Variants in KANSL2 observed in about 807,000 individuals in gnomAD.
The protein encoded by KANSL2 is KAT8 regulatory NSL complex subunit 2.
KANSL2 carries 34 observed loss-of-function variants against 55.6 expected under a neutral mutation model. The ratio of observed to expected loss-of-function variants is 0.61; its 90% CI spans 0.46 to 0.81. The LOEUF is 0.81. Among genes scored for constraint, KANSL2 ranks in the 40% least tolerant of loss-of-function variants. The probability of loss-of-function intolerance (pLI) is 0.00; values close to 1 mark genes in which losing one functional copy is unlikely to be tolerated. For missense variants in KANSL2, 502 were observed against 609.9 expected (o/e 0.82, Z 1.86); for synonymous variants, 209 against 214.3 (o/e 0.98, Z 0.22).
intron 5 of KANSL2, among the ~76,000 whole-genome samples, chr12:48,670,572 C>T (rs1366204962): frequency 6.6e-6 from 1 of 152,008 alleles, no homozygotes. Context: ...ACTAGAAAAG[C>T]TTATAGGGAT....
chr12:48,662,070 A>C (rs1592099358), intron 7 of KANSL2, among the ~76,000 whole-genome samples: 1 of 152,298 alleles, frequency 6.6e-6, no homozygotes, highest in East Asian at 1.9e-4. Flanking sequence ...TAAGAAGCCC[A>C]CTCTTAATAT....
chr12:48,677,494 G>A (rs983355086), intron 4 of KANSL2, among the ~76,000 whole-genome samples: 14 of 152,070 alleles, frequency 9.2e-5, no homozygotes, highest in Non-Finnish European at 1.2e-4. Flanking sequence ...GAAAAAAAAG[G>A]AATGAAGCTG....
intron 8 of KANSL2, among the ~76,000 whole-genome samples, chr12:48,655,564 G>A (rs1404907095): frequency 7.6e-5 from 8 of 105,788 alleles, no homozygotes; most frequent in Non-Finnish European, 1.2e-4. Flanking sequence ...GCCAGACCCT[G>A]TCTCAAAAAA....
intron 8 of KANSL2, among the ~76,000 whole-genome samples, chr12:48,657,614 G>A (rs1375200735): frequency 6.6e-6 from 1 of 152,040 alleles, no homozygotes; most frequent in African/African-American, 2.4e-5. Context: ...TTGTGTGTGT[G>A]TGTGTGCGTG....
Position 48,679,046 on chromosome 12 carries a change from C to T in KANSL2, c.535G>A (p.Asp179Asn). The change falls in exon 4 of 10, where the codon GAT becomes AAT. Residue 179 changes from aspartate (D) to asparagine (N), a missense_variant. Coordinates refer to ENST00000420613, the MANE Select transcript of KANSL2 (RefSeq NM_017822.4). ...EADSIDSDQEDPLKHAGVYTA... is the reference protein window; with the variant it reads ...EADSIDSDQENPLKHAGVYTA... ...GGAGTTACAACTTACTTTAGGGGAT[C>T]TTCTTGATCACTGTCTATGCTATCA... The T allele has an allele frequency of 1.9e-6, 3 of 1,612,118 alleles. No individual in the cohort carries two copies. Among genetic ancestry groups the T allele is most frequent in the Non-Finnish European group, 2.5e-6 (3 of 1,178,252 alleles).
At chr12:48,660,965 A>G (rs1186026736) in intron 7 of KANSL2, among the ~76,000 whole-genome samples, 1 of 152,180 alleles carries the variant, frequency 6.6e-6, no homozygotes, top group African/African-American at 2.4e-5. Context: ...TGTAGTGGCA[A>G]ATGCAAATAG....
At chr12:48,672,679 G>C (rs963432506) in intron 4 of KANSL2, among the ~76,000 whole-genome samples, 2 of 151,736 alleles carry the variant, frequency 1.3e-5, no homozygotes, top group Non-Finnish European at 2.9e-5. Flanking sequence ...TCCCGCCTCA[G>C]CCTCACAAAG....
chr12:48,667,434 A>G (rs1161539054), intron 7 of KANSL2: 1 of 546,340 alleles, frequency 1.8e-6, no homozygotes. Context: ...AATAAATATT[A>G]GCCCACATCT....
At chr12:48,675,161 C>T (rs1012248512) in intron 4 of KANSL2, among the ~76,000 whole-genome samples, 2 of 151,686 alleles carry the variant, frequency 1.3e-5, no homozygotes, top group African/African-American at 4.8e-5. Context: ...TTTGGGAGAC[C>T]GAGGTGGGCA....
intron 4 of KANSL2, among the ~76,000 whole-genome samples, chr12:48,673,567 GAAA>G (rs111737433): frequency 1.1e-5 from 1 of 88,402 alleles, no homozygotes. Flanking sequence ...CTCAAAAAAA[GAAA>G]AAAAAAAAAA....
Position 48,671,822 on chromosome 12 carries a change from C to T in KANSL2, c.686G>A (p.Arg229His), listed in dbSNP as rs1208632624. Residue 229 changes from arginine to histidine, a missense_variant, in exon 5 of 10, where the codon CGC becomes CAC. Physicochemically the swap from Arg to His is conservative, Grantham distance 29. Coordinates refer to ENST00000420613, the MANE Select transcript of KANSL2 (RefSeq NM_017822.4). ...GCCTAGAGCTTCATGTTCCACTTTG[C>T]GATTATGTAAGTATCGGCGCTTCTT... ...KEKKRRYLHN[R>H]KVEHEALGSS... 3 of 1,611,588 alleles carry T rather than the reference C, an allele frequency of 1.9e-6. No individual in the cohort carries two copies. Among genetic ancestry groups the T allele is most frequent in the Non-Finnish European group, 2.5e-6 (3 of 1,178,620 alleles).
chr12:48,659,023 G>A (rs976941694), intron 8 of KANSL2, among the ~76,000 whole-genome samples: 4 of 152,176 alleles, frequency 2.6e-5, no homozygotes, highest in Admixed American at 1.3e-4. Context: ...GCCAGGAATG[G>A]TGAATCATGC....
In KANSL2 at chr12:48,660,447, A is replaced by C. The variant is rs771263611; in HGVS notation, c.1146T>G (p.Asp382Glu). The change falls in exon 8 of 10, where the codon GAT (aspartate) becomes GAG (glutamate). Residue 382 changes from aspartate to glutamate, a missense_variant. Asp to Glu is a conservative substitution (Grantham distance 45). Transcript: ENST00000420613. ...ACAGATCCATGGGGCCGGCTTCCAG[A>C]TCGTCTGGCACAGACAGTACCTGCT... Reference protein sequence around the residue: ...KPEQVLSVPDDLEAGPMDLYL... With the variant: ...KPEQVLSVPDELEAGPMDLYL... The C allele has an allele frequency of 9.9e-6, 16 of 1,613,832 alleles. 1 individual carries two copies. The highest frequency in any genetic ancestry group is 8.5e-7 in the Non-Finnish European group (1 of 1,179,890).
intron 8 of KANSL2, among the ~76,000 whole-genome samples, chr12:48,658,146 G>C (rs1430039268): frequency 1.3e-5 from 2 of 152,060 alleles, no homozygotes; most frequent in East Asian, 3.9e-4. Flanking sequence ...CCGGAGAATC[G>C]CTTGAACCCA....
In KANSL2 at chr12:48,671,933, ACTT is replaced by A. The variant is rs1308225589; in HGVS notation, c.572_574del (p.Glu191del). On this transcript the variant is annotated inframe_deletion, in exon 5 of 10. Transcript: ENST00000420613. ...TAGCTTTTCACGCATAATCAGGGCC[ACTT>A]CTTCTGCTGTGTAGACACCAGCATG... 2 of 1,608,414 alleles carry A rather than the reference ACTT, an allele frequency of 1.2e-6. No individual in the cohort carries two copies. Among genetic ancestry groups the A allele is most frequent in the South Asian group, 1.1e-5 (1 of 90,592 alleles).
chr12:48,672,662 G>T (rs1448018202), intron 4 of KANSL2, among the ~76,000 whole-genome samples: 1 of 151,732 alleles, frequency 6.6e-6, no homozygotes, highest in African/African-American at 2.4e-5. Flanking sequence ...CTGGGTTTAA[G>T]CGATGCTCCC....
At chr12:48,678,922 GCTGAC>G in intron 4 of KANSL2, 109 bp downstream of exon 4, 1 of 688,482 alleles carries the variant, frequency 1.5e-6, no homozygotes. Context: ...ACCTCTTACT[GCTGAC>G]AAATAGCTGT....
At chr12:48,654,266 C>A (rs919803461) in intron 9 of KANSL2, 91 bp from the exon 10 acceptor site, 8 of 1,206,752 alleles carry the variant, frequency 6.6e-6, no homozygotes, top group Non-Finnish European at 9.6e-6. Flanking sequence ...CTTAAACTAG[C>A]AATAAGAACA....
chr12:48,664,627 G>C (rs1233273947), intron 7 of KANSL2, among the ~76,000 whole-genome samples: 2 of 136,090 alleles, frequency 1.5e-5, no homozygotes, highest in African/African-American at 5.5e-5. Context: ...TGTTGCCCAG[G>C]CTGGAGTGCA....
Sources: allele counts gnomAD v4.1 joint callset (sites outside exome capture counted in the v4.1 genomes callset), GRCh38; gene constraint gnomAD v4.1.1; transcripts MANE v1.5; gene names NCBI Gene and HGNC (gene_info 2026-07-23, HGNC 2026-07-21).